Variants in NXPH1 observed in about 807,000 individuals in gnomAD.
The protein encoded by NXPH1 is neurexophilin-1.
Under a neutral mutation model 23.7 loss-of-function variants are expected in NXPH1, and 5 were observed. That is an observed-to-expected ratio of 0.21 (90% confidence interval 0.11 to 0.44). The LOEUF (loss-of-function observed/expected upper bound fraction) is 0.44. Among genes scored for constraint, NXPH1 ranks in the 20% least tolerant of loss-of-function variants. The probability of loss-of-function intolerance (pLI) is 0.99; values close to 1 mark genes in which losing one functional copy is unlikely to be tolerated. For missense variants in NXPH1, 324 were observed against 321.6 expected, an observed-to-expected ratio of 1.01 and a Z score of -0.06; for synonymous variants, 144 against 122.2, an observed-to-expected ratio of 1.18 and a Z score of -1.18.
intron 2 of NXPH1, among the ~76,000 whole-genome samples, chr7:8,710,291 A>G (rs1328265581): frequency 6.6e-6 from 1 of 152,184 alleles, no homozygotes; most frequent in Non-Finnish European, 1.5e-5. Context: ...TTAAAAGCTC[A>G]AAGTCCCTGC....
At chr7:8,641,180 T>C (rs1820303740) in intron 2 of NXPH1, among the ~76,000 whole-genome samples, 1 of 152,164 alleles carries the variant, frequency 6.6e-6, no homozygotes. Flanking sequence ...TATTTTATAA[T>C]TTTTAAGAAT....
intron 2 of NXPH1, among the ~76,000 whole-genome samples, chr7:8,593,171 A>ATTTTTTTTTTTTT (rs61424859): frequency 7.1e-6 from 1 of 141,630 alleles, no homozygotes; most frequent in South Asian, 2.2e-4. Context: ...AGTAAGAAGC[A>ATTTTTTTTTTTTT]TTTTTTTTTT....
chr7:8,635,202 C>T (rs1820199521), intron 2 of NXPH1, among the ~76,000 whole-genome samples: 1 of 152,084 alleles, frequency 6.6e-6, no homozygotes, highest in Non-Finnish European at 1.5e-5. Context: ...AGCTTGGAGC[C>T]CAAGTACTGT....
intron 2 of NXPH1, among the ~76,000 whole-genome samples, chr7:8,701,704 A>G (rs1020040458): frequency 4.6e-5 from 7 of 152,052 alleles, no homozygotes; most frequent in African/African-American, 1.7e-4. Context: ...GCTCTTCCCC[A>G]TTTTGTATCC....
At chr7:8,699,162 T>C (rs1268326842) in intron 2 of NXPH1, among the ~76,000 whole-genome samples, 1 of 152,152 alleles carries the variant, frequency 6.6e-6, no homozygotes, top group African/African-American at 2.4e-5. Flanking sequence ...TGTTGAGATA[T>C]CTTACAGAAA....
At position 8,442,997 on chromosome 7, in the gene NXPH1, A is replaced by G. The variant is rs959213630; in HGVS notation, c.54+7230A>G. ...TCTTCAGCACCACGGCCAGCGCCAC[A>G]GGCTCCGCCCCGCCTGGTGCCAGCA... On this transcript the variant is annotated intron_variant, in intron 2 of 2. Coordinates refer to ENST00000405863, the MANE Select transcript of NXPH1 (RefSeq NM_152745.3). This position sits in a 1 kb window ranked among gnomAD's most constrained non-coding sequence, Gnocchi z 4.6. 1.3e-5 allele frequency among the ~76,000 whole-genome samples: 2 copies of G among 152,204 alleles called. No homozygotes were observed. Among genetic ancestry groups the G allele is most frequent in the African/African-American group, 4.8e-5 (2 of 41,462 alleles).
intron 2 of NXPH1, among the ~76,000 whole-genome samples, chr7:8,741,290 T>C (rs1320450468): frequency 6.6e-6 from 1 of 152,190 alleles, no homozygotes; most frequent in Non-Finnish European, 1.5e-5. Context: ...CATATCTTCT[T>C]TTTCCATTCA....
intron 2 of NXPH1, among the ~76,000 whole-genome samples, chr7:8,726,319 TTTTG>T (rs1034885093): frequency 3.9e-5 from 6 of 152,146 alleles, no homozygotes; most frequent in African/African-American, 9.6e-5. Context: ...ATTTTCATTT[TTTTG>T]TTTGTTTTTT....
chr7:8,602,369 G>A (rs180957346), intron 2 of NXPH1, among the ~76,000 whole-genome samples: 1 of 152,200 alleles, frequency 6.6e-6, no homozygotes, highest in Admixed American at 6.5e-5. Context: ...TCCCTGGCCT[G>A]TTTTTAAGAC....
chr7:8,735,072 T>C (rs1016265069), intron 2 of NXPH1, among the ~76,000 whole-genome samples: 1 of 152,226 alleles, frequency 6.6e-6, no homozygotes, highest in Non-Finnish European at 1.5e-5. Flanking sequence ...AAATATAAAA[T>C]CATGTCATCT....
At chr7:8,710,682 G>C (rs1779777306) in intron 2 of NXPH1, among the ~76,000 whole-genome samples, 1 of 100,666 alleles carries the variant, frequency 9.9e-6, no homozygotes, top group Non-Finnish European at 1.7e-5. Flanking sequence ...TTGAGACGGA[G>C]TCTCGCTCTG....
intron 2 of NXPH1, among the ~76,000 whole-genome samples, chr7:8,646,016 C>T (rs1467511506): frequency 6.6e-6 from 1 of 151,984 alleles, no homozygotes; most frequent in Non-Finnish European, 1.5e-5. Context: ...TTGTCAAGTC[C>T]TCTCATGACC....
intron 2 of NXPH1, among the ~76,000 whole-genome samples, chr7:8,719,061 T>C (rs1271576131): frequency 6.6e-6 from 1 of 152,178 alleles, no homozygotes; most frequent in Non-Finnish European, 1.5e-5. Flanking sequence ...AAAATATGGG[T>C]GGAGAGAAAA....
chr7:8,612,230 TA>T (rs910471655), intron 2 of NXPH1, among the ~76,000 whole-genome samples: 1 of 151,848 alleles, frequency 6.6e-6, no homozygotes, highest in African/African-American at 2.4e-5. Context: ...TTCTTTTTTT[TA>T]CATTCTCCCC....
chr7:8,655,713 C>T (rs1258294817), intron 2 of NXPH1, among the ~76,000 whole-genome samples: 3 of 152,080 alleles, frequency 2.0e-5, no homozygotes, highest in Admixed American at 6.6e-5. Context: ...GAATAACAAG[C>T]AGTTCAAGAA....
chr7:8,714,222 T>C (rs1779842488), intron 2 of NXPH1, among the ~76,000 whole-genome samples: 2 of 152,048 alleles, frequency 1.3e-5, no homozygotes, highest in South Asian at 2.1e-4. Context: ...ATCACCACCA[T>C]AGGCCCATGG....
At chr7:8,492,458 G>A (rs886183381) in intron 2 of NXPH1, among the ~76,000 whole-genome samples, 1 of 151,884 alleles carries the variant, frequency 6.6e-6, no homozygotes, top group Non-Finnish European at 1.5e-5. Flanking sequence ...CCATTTCAGG[G>A]GATGCTGTTT....
chr7:8,705,391 T>C (rs567328779), intron 2 of NXPH1, among the ~76,000 whole-genome samples: 50 of 152,276 alleles, frequency 3.3e-4, no homozygotes, highest in African/African-American at 1.2e-3. Flanking sequence ...GGATGGGACA[T>C]GGGTAAACTT....
chr7:8,562,092 T>C (rs573055268), intron 2 of NXPH1, among the ~76,000 whole-genome samples: 6 of 151,810 alleles, frequency 4.0e-5, no homozygotes, highest in South Asian at 2.1e-4. Flanking sequence ...ATGATCCTTG[T>C]AATGACCCTG....
Sources: allele counts gnomAD v4.1 joint callset (sites outside exome capture counted in the v4.1 genomes callset), GRCh38; gene constraint gnomAD v4.1.1; non-coding constraint Gnocchi (gnomAD v3.1); transcripts MANE v1.5; gene names NCBI Gene and HGNC (gene_info 2026-07-23, HGNC 2026-07-21).